Variants in PLOD2 observed in about 807,000 individuals in gnomAD.
PLOD2 encodes the protein procollagen-lysine,2-oxoglutarate 5-dioxygenase 2, also known as lysine hydroxylase 2.
In PLOD2, 65 loss-of-function variants were observed where a neutral mutation model predicts 101.0. The observed-to-expected ratio is 0.64, with a 90% CI of 0.53 to 0.79. The LOEUF (loss-of-function observed/expected upper bound fraction) is 0.79, where lower values mean the gene tolerates loss of function less well. Ranked by LOEUF, PLOD2 falls within the 30% of genes least tolerant of loss-of-function variation. The probability of loss-of-function intolerance (pLI) is 0.00; values close to 1 mark genes in which losing one functional copy is unlikely to be tolerated. For synonymous variants in PLOD2, 314 were observed against 302.9 expected (o/e 1.04, Z -0.38); for missense variants, 909 against 914.6 (o/e 0.99, Z 0.08).
At chr3:146,129,164 C>G (rs2030755694) in intron 1 of PLOD2, among the ~76,000 whole-genome samples, 1 of 151,998 alleles carries the variant, frequency 6.6e-6, no homozygotes, top group South Asian at 2.1e-4. Context: ...TGTTTCTCAA[C>G]TTTCTACTAA....
At chr3:146,072,713 T>A in intron 16 of PLOD2, 48 bp from the exon 17 acceptor site, 1 of 1,120,218 alleles carries the variant, frequency 8.9e-7, no homozygotes, top group Non-Finnish European at 1.4e-6. Flanking sequence ...TTCTGTGTCT[T>A]AATAGTCTAA....
Position 146,136,412 on chromosome 3 carries a change from G to A in PLOD2, c.110-12183C>T, listed in dbSNP as rs180899630. 1.1e-4 allele frequency among the ~76,000 whole-genome samples: 17 copies of A among 152,240 alleles called. No individual in the cohort carries two copies. The East Asian group carries it at 1.9e-3, about 17-fold the overall frequency. On this transcript the variant is annotated intron_variant, in intron 1 of 19. Coordinates refer to ENST00000282903, the MANE Select transcript of PLOD2 (RefSeq NM_182943.3). ...CCTGACCTAATGTGAGGAGGACAGCGAAAACTTTACTTCTTGCATAAAATT... is the reference window on the plus strand; with the variant it reads ...CCTGACCTAATGTGAGGAGGACAGCAAAAACTTTACTTCTTGCATAAAATT...
In PLOD2 at chr3:146,121,190, C is replaced by A. The variant is rs780440367; in HGVS notation, c.260G>T (p.Gly87Val). Residue 87 changes from glycine (G) to valine (V), a missense_variant, in exon 3 of 20, where the codon GGC becomes GTC. By Grantham distance (109) the Gly-to-Val change is moderately radical (BLOSUM62 -3). Transcript: ENST00000282903. ...GGDGINSIGG[G>V]QKVRLMKEVM... ...TTCTTTCATTAATCTCACTTTCTGG[C>A]CCCCTCCAATACTATTAATTCCATC... is the stretch of plus-strand genomic sequence containing the variant. 2.5e-6 allele frequency: 4 copies of A among 1,606,916 alleles called. No homozygotes were observed. The South Asian group carries it at 3.3e-5, about 13-fold the overall frequency.
rs1285430657 is a variant in PLOD2 at position 146,069,513 on chromosome 3, A to C, written c.*1204T>G. 1.3e-5 allele frequency: 2 copies of C among 152,182 alleles called. No individual in the cohort carries two copies. The highest frequency in any genetic ancestry group is 2.9e-5 in the Non-Finnish European group (2 of 67,860). The allele number at this position is 152,182 out of a possible 1,614,324, so 9.4% of individuals were successfully genotyped here. On this transcript the variant is annotated 3_prime_UTR_variant, in exon 20 of 20. Coordinates refer to ENST00000282903, the MANE Select transcript of PLOD2 (RefSeq NM_182943.3). ...AAAATGAATTTTGGCACCGTGATTA[A>C]GAATTTCTTTTCAAGTTTAACCTTT...
chr3:146,111,311 A>C (rs1937628254), intron 3 of PLOD2, among the ~76,000 whole-genome samples: 1 of 152,158 alleles, frequency 6.6e-6, no homozygotes, highest in African/African-American at 2.4e-5. Flanking sequence ...CAGGTAGCTA[A>C]CAGCATAATT....
intron 7 of PLOD2, among the ~76,000 whole-genome samples, chr3:146,096,739 T>G (rs1937178464): frequency 6.8e-6 from 1 of 147,232 alleles, no homozygotes; most frequent in Non-Finnish European, 1.5e-5. Context: ...AGCCACCCCG[T>G]CCGGGAGGGA....
At chr3:146,134,087 T>G (rs1426347219) in intron 1 of PLOD2, among the ~76,000 whole-genome samples, 1 of 152,166 alleles carries the variant, frequency 6.6e-6, no homozygotes, top group Admixed American at 6.5e-5. Flanking sequence ...AAAGATTCAC[T>G]ATCTCCCCAC....
At chr3:146,074,386 T>G (rs1936257330) in intron 15 of PLOD2, among the ~76,000 whole-genome samples, 1 of 151,596 alleles carries the variant, frequency 6.6e-6, no homozygotes, top group South Asian at 2.1e-4. Flanking sequence ...GATATTTGCC[T>G]TAAATACATC....
rs144110908 is a variant in PLOD2 at position 146,085,262 on chromosome 3, C to T, written c.1139G>A (p.Arg380His). 1.4e-5 allele frequency: 22 copies of T among 1,579,082 alleles called. No individual in the cohort carries two copies. Among genetic ancestry groups the T allele is most frequent in the African/African-American group, 1.1e-4 (8 of 74,084 alleles). The change falls in exon 11 of 20, where the codon CGT becomes CAT. Residue 380 changes from arginine (R) to histidine (H), a missense_variant. Coordinates refer to ENST00000282903, the MANE Select transcript of PLOD2 (RefSeq NM_182943.3). ...EARNMGMDFC[R>H]QDEKCDYYFS... ...GTAATAATCACACTTTTCATCCTGA[C>T]GGCAAAAGTCCCTAACAGTGAAAAA...
chr3:146,137,459 G>A (rs921396853), intron 1 of PLOD2, among the ~76,000 whole-genome samples: 6 of 152,150 alleles, frequency 3.9e-5, no homozygotes, highest in African/African-American at 7.2e-5. Flanking sequence ...ATGTTGGTCA[G>A]GCTGGTCTAT....
chr3:146,144,204 C>G (rs1434691058), intron 1 of PLOD2, among the ~76,000 whole-genome samples: 1 of 152,092 alleles, frequency 6.6e-6, no homozygotes, highest in African/African-American at 2.4e-5. Flanking sequence ...TGTTTACCGT[C>G]CTTTCTAACT....
At chr3:146,149,170 T>C (rs540206306) in intron 1 of PLOD2, among the ~76,000 whole-genome samples, 102 of 152,342 alleles carry the variant, frequency 6.7e-4, no homozygotes, top group Middle Eastern at 3.4e-3. Flanking sequence ...AAAAGCAACT[T>C]CCCTTCCTCT....
intron 7 of PLOD2, among the ~76,000 whole-genome samples, chr3:146,094,746 A>C (rs1474005940): frequency 1.3e-5 from 2 of 152,240 alleles, no homozygotes; most frequent in South Asian, 4.1e-4. Context: ...GAACCAAAAA[A>C]GAGCCCGTAT....
chr3:146,074,814 T>C (rs1279032015), intron 15 of PLOD2, among the ~76,000 whole-genome samples: 1 of 151,604 alleles, frequency 6.6e-6, no homozygotes, highest in Non-Finnish European at 1.5e-5. Flanking sequence ...TATTAATTTC[T>C]TAGAAATTCT....
chr3:146,115,110 C>A (rs922349406), intron 3 of PLOD2, among the ~76,000 whole-genome samples: 3 of 152,182 alleles, frequency 2.0e-5, no homozygotes, highest in Non-Finnish European at 4.4e-5. Flanking sequence ...TTTAAAATTT[C>A]TCTCTTTTGT....
intron 9 of PLOD2, among the ~76,000 whole-genome samples, chr3:146,088,004 A>AGTAGAC (rs1441030988): frequency 7.2e-5 from 11 of 151,778 alleles, no homozygotes; most frequent in Non-Finnish European, 1.6e-4. Context: ...AGACAATGTT[A>AGTAGAC]AATACCAGTG....
chr3:146,097,366 G>C (rs1241462224), intron 7 of PLOD2, among the ~76,000 whole-genome samples: 4 of 139,124 alleles, frequency 2.9e-5, no homozygotes, highest in Non-Finnish European at 4.7e-5. Flanking sequence ...AGGCGGGAAG[G>C]GTGGGGAAAA....
At chr3:146,104,013 T>C (rs1022909876) in intron 6 of PLOD2, among the ~76,000 whole-genome samples, 6 of 152,188 alleles carry the variant, frequency 3.9e-5, no homozygotes, top group African/African-American at 1.2e-4. Context: ...TATAAACTTA[T>C]CTAAAATTCC....
intron 1 of PLOD2, among the ~76,000 whole-genome samples, chr3:146,146,100 G>A (rs1473390703): frequency 6.6e-6 from 1 of 152,008 alleles, no homozygotes; most frequent in African/African-American, 2.4e-5. Context: ...CTTCTTAAAA[G>A]CTGACAAAGT....
Sources: gnomAD v4.1 joint callset for allele counts (sites outside exome capture counted in the v4.1 genomes callset) on GRCh38, gnomAD v4.1.1 for gene constraint, MANE v1.5 for transcripts, NCBI Gene and HGNC (gene_info 2026-07-23, HGNC 2026-07-21) for gene names.